The following PRKG1 variants were observed in gnomAD, a reference collection of about 807,000 sequenced individuals.
The protein encoded by PRKG1 is protein kinase cGMP-dependent 1.
Under a neutral mutation model 88.1 loss-of-function variants are expected in PRKG1, and 35 were observed. The observed-to-expected ratio is 0.40, with a 90% confidence interval of 0.30 to 0.53. The LOEUF is 0.53. Among genes scored for constraint, PRKG1 ranks in the 20% least tolerant of loss-of-function variants. The pLI is 0.59. For synonymous variants in PRKG1, 303 were observed against 292.5 expected (o/e 1.04, Z -0.37); for missense variants, 540 against 839.8 (o/e 0.64, Z 4.41).
At chr10:51,842,104 C>T (rs1183974689) in intron 4 of PRKG1, among the ~76,000 whole-genome samples, 2 of 152,190 alleles carry the variant, frequency 1.3e-5, no homozygotes, top group East Asian at 1.9e-4. Flanking sequence ...TGGATTCCCT[C>T]GCTGGCTAAG....
intron 5 of PRKG1, among the ~76,000 whole-genome samples, chr10:51,955,903 C>A (rs993547208): frequency 1.3e-5 from 2 of 152,098 alleles, no homozygotes; most frequent in Admixed American, 1.3e-4. Flanking sequence ...GCTTCAATAG[C>A]GACCATTCTT....
intron 5 of PRKG1, among the ~76,000 whole-genome samples, chr10:51,942,136 T>A (rs1842922625): frequency 6.6e-6 from 1 of 151,880 alleles, no homozygotes; most frequent in African/African-American, 2.4e-5. Context: ...TTTTTAATGA[T>A]TGCCATTCTA....
intron 3 of PRKG1, among the ~76,000 whole-genome samples, chr10:51,753,801 G>C (rs1034438706): frequency 6.6e-6 from 1 of 152,120 alleles, no homozygotes; most frequent in Non-Finnish European, 1.5e-5. Context: ...CTGTGAAATA[G>C]CTTTTCTTAA....
At chr10:51,322,452 C>A (rs1399430273) in intron 2 of PRKG1, among the ~76,000 whole-genome samples, 1 of 152,120 alleles carries the variant, frequency 6.6e-6, no homozygotes, top group African/African-American at 2.4e-5. Context: ...CTTTCCAAGT[C>A]CAAGGACTTG....
chr10:51,851,821 A>G (rs541702134), intron 4 of PRKG1, among the ~76,000 whole-genome samples: 17 of 152,304 alleles, frequency 1.1e-4, no homozygotes, highest in Admixed American at 4.6e-4. Flanking sequence ...ACAGATACCA[A>G]GGTTGGCGAA....
At chr10:52,122,168 G>A (rs1162146471) in intron 7 of PRKG1, among the ~76,000 whole-genome samples, 7 of 152,154 alleles carry the variant, frequency 4.6e-5, no homozygotes, top group African/African-American at 1.7e-4. Flanking sequence ...AACATAGAAG[G>A]GCAAGAAAGC....
intron 5 of PRKG1, among the ~76,000 whole-genome samples, chr10:52,005,829 C>T (rs1270419971): frequency 2.6e-5 from 4 of 152,138 alleles, no homozygotes; most frequent in Non-Finnish European, 5.9e-5. Flanking sequence ...TCCACCTAAA[C>T]TCTGTGGTCA....
intron 1 of PRKG1, among the ~76,000 whole-genome samples, chr10:51,122,622 T>C (rs1040378156): frequency 6.6e-6 from 1 of 152,192 alleles, no homozygotes; most frequent in African/African-American, 2.4e-5. Context: ...TAGTTATTGC[T>C]AGACATATCC....
At chr10:51,032,838 T>C (rs1039541787) in intron 1 of PRKG1, among the ~76,000 whole-genome samples, 10 of 152,310 alleles carry the variant, frequency 6.6e-5, no homozygotes, top group African/African-American at 2.4e-4. Flanking sequence ...TATTGAAATT[T>C]TTTTTAATTT....
intron 3 of PRKG1, among the ~76,000 whole-genome samples, chr10:51,511,767 G>A (rs763192107): frequency 3.9e-5 from 6 of 152,198 alleles, no homozygotes; most frequent in Non-Finnish European, 5.9e-5. Context: ...CCATTTGGCA[G>A]TATCTATTAA....
chr10:52,103,116 T>C (rs1847334862), intron 7 of PRKG1, among the ~76,000 whole-genome samples: 1 of 152,200 alleles, frequency 6.6e-6, no homozygotes, highest in East Asian at 1.9e-4. Flanking sequence ...GAGAATCTAA[T>C]GCCTAATGAT....
chr10:51,618,768 T>C (rs936863369), intron 3 of PRKG1, among the ~76,000 whole-genome samples: 2 of 151,724 alleles, frequency 1.3e-5, no homozygotes, highest in Non-Finnish European at 2.9e-5. Context: ...ATTTATTATG[T>C]ATTTATTTAT....
At chr10:51,762,957 C>G (rs1176453185) in intron 3 of PRKG1, among the ~76,000 whole-genome samples, 1 of 152,170 alleles carries the variant, frequency 6.6e-6, no homozygotes, top group African/African-American at 2.4e-5. Flanking sequence ...AGTTTAAAAT[C>G]TGGTATCCTA....
chr10:51,508,756 T>C (rs1169240802), intron 3 of PRKG1, among the ~76,000 whole-genome samples: 1 of 152,192 alleles, frequency 6.6e-6, no homozygotes, highest in Non-Finnish European at 1.5e-5. Flanking sequence ...TTGAAAAGCA[T>C]TGACATTTAT....
intron 3 of PRKG1, among the ~76,000 whole-genome samples, chr10:51,595,268 A>G (rs1838414679): frequency 6.6e-6 from 1 of 152,120 alleles, no homozygotes; most frequent in Non-Finnish European, 1.5e-5. Flanking sequence ...GGATCTCTTG[A>G]GCCCAGGAGG....
At chr10:51,981,623 GA>G (rs1459377964) in intron 5 of PRKG1, among the ~76,000 whole-genome samples, 1 of 146,804 alleles carries the variant, frequency 6.8e-6, no homozygotes, top group Non-Finnish European at 1.5e-5. Context: ...ATAAAAAAAA[GA>G]ATATTTAATA....
Position 51,531,637 on chromosome 10 carries a change from CTTTTTTTTTTT to C in PRKG1, c.592+63817_592+63827del, listed in dbSNP as rs34091409. 2.4e-4 allele frequency among the ~76,000 whole-genome samples: 16 copies of C among 67,858 alleles called. No homozygotes were observed. In the South Asian group the frequency reaches 8.3e-3, roughly 35 times the overall value. The allele number at this position is 67,858 out of a possible 152,430, so 44.5% of individuals were successfully genotyped here. A position where few individuals can be genotyped will look rare whatever the true frequency, so the allele number is the denominator to read the frequency against. ...ATTGTTTCGGACTACAAAAAGAATTCTTTTTTTTTTTTTTTTTTTTTTTTTTGAGACCGTCT... is the reference window on the plus strand; with the variant it reads ...ATTGTTTCGGACTACAAAAAGAATTCTTTTTTTTTTTTTTTGAGACCGTCT... On this transcript the variant is annotated intron_variant, in intron 3 of 17. Transcript: ENST00000373980.
At chr10:51,442,892 G>C (rs901984207) in intron 2 of PRKG1, among the ~76,000 whole-genome samples, 4 of 152,010 alleles carry the variant, frequency 2.6e-5, no homozygotes, top group Non-Finnish European at 5.9e-5. Context: ...GGTGTTTCTT[G>C]TGTGGGATCT....
intron 3 of PRKG1, among the ~76,000 whole-genome samples, chr10:51,783,601 G>A (rs1419862630): frequency 6.6e-6 from 1 of 152,040 alleles, no homozygotes; most frequent in African/African-American, 2.4e-5. Flanking sequence ...GTTCTTAAAT[G>A]TGAATCCTGG....
Sources: gnomAD v4.1 joint callset for allele counts (sites outside exome capture counted in the v4.1 genomes callset) on GRCh38, gnomAD v4.1.1 for gene constraint, MANE v1.5 for transcripts, NCBI Gene and HGNC (gene_info 2026-07-23, HGNC 2026-07-21) for gene names.